The following RNF38 variants were observed in gnomAD, a reference collection of about 807,000 sequenced individuals.
RNF38 encodes ring finger protein 38.
A neutral mutation model predicts 67.2 loss-of-function variants in RNF38; 15 were observed. The observed-to-expected ratio is 0.22, with a 90% confidence interval of 0.15 to 0.34. The LOEUF is 0.34. Among genes scored for constraint, RNF38 ranks in the 10% least tolerant of loss-of-function variants. RNF38 has a pLI of 1.00. For synonymous variants in RNF38, 220 were observed against 218.8 expected (o/e 1.01, Z -0.05); for missense variants, 524 against 639.9 (o/e 0.82, Z 1.95).
At chr9:36,454,813 A>G (rs1839546511) in intron 1 of RNF38, among the ~76,000 whole-genome samples, 1 of 151,940 alleles carries the variant, frequency 6.6e-6, no homozygotes, top group Non-Finnish European at 1.5e-5. Context: ...TGAACTCCTG[A>G]CCTTAAATGA....
intron 10 of RNF38, among the ~76,000 whole-genome samples, chr9:36,344,598 G>A (rs1380579133): frequency 1.3e-5 from 2 of 152,176 alleles, no homozygotes; most frequent in African/African-American, 2.4e-5. Flanking sequence ...TAGCTAGTAC[G>A]ACTAAGACAT....
intron 8 of RNF38, 24 bp downstream of exon 8, chr9:36,352,718 T>C: frequency 6.7e-7 from 1 of 1,487,662 alleles, no homozygotes. Flanking sequence ...AATTCAGAAA[T>C]CATTAAGATA....
At chr9:36,484,472 A>G (rs191733336) in intron 1 of RNF38, among the ~76,000 whole-genome samples, 1 of 152,340 alleles carries the variant, frequency 6.6e-6, no homozygotes, top group East Asian at 1.9e-4. Context: ...AAACATCTGA[A>G]AAATATTTAG....
At chr9:36,477,534 G>A (rs1050341504) in intron 1 of RNF38, among the ~76,000 whole-genome samples, 7 of 151,552 alleles carry the variant, frequency 4.6e-5, no homozygotes, top group African/African-American at 1.7e-4. Context: ...AAAGGTTAGT[G>A]TAGTTGGCCG....
chr9:36,444,358 G>T (rs1319641828), intron 1 of RNF38, among the ~76,000 whole-genome samples: 2 of 152,150 alleles, frequency 1.3e-5, no homozygotes, highest in African/African-American at 4.8e-5. Flanking sequence ...TGGATGCTGG[G>T]CTTAATACCA....
intron 1 of RNF38, among the ~76,000 whole-genome samples, chr9:36,457,179 A>C (rs1394866334): frequency 1.3e-5 from 2 of 152,248 alleles, no homozygotes; most frequent in Non-Finnish European, 2.9e-5. Flanking sequence ...ATTAAAGTAG[A>C]ACTAGCTTTA....
intron 11 of RNF38, among the ~76,000 whole-genome samples, chr9:36,340,792 G>C (rs565167710): frequency 6.6e-6 from 1 of 152,240 alleles, no homozygotes; most frequent in African/African-American, 2.4e-5. Context: ...CTGTTCCCTG[G>C]CTCCTAAATT....
intron 3 of RNF38, among the ~76,000 whole-genome samples, chr9:36,374,075 T>C (rs1023718376): frequency 6.6e-6 from 1 of 152,246 alleles, no homozygotes; most frequent in Non-Finnish European, 1.5e-5. Context: ...GCAATAACTA[T>C]ACTTTCTCAT....
intron 1 of RNF38, among the ~76,000 whole-genome samples, chr9:36,436,087 G>GC (rs1452267377): frequency 4.6e-5 from 7 of 152,254 alleles, no homozygotes; most frequent in African/African-American, 1.7e-4. Context: ...GAGGCTACAG[G>GC]CACTTAATAT....
upstream of RNF38, chr9:36,487,659 G>C (rs1840454962): frequency 4.8e-6 from 4 of 825,206 alleles, no homozygotes; most frequent in South Asian, 2.1e-4. Context: ...CGACGGAGGC[G>C]GCTCCCGAAG....
chr9:36,352,811 C>G lies in RNF38; in HGVS notation c.1109G>C (p.Arg370Pro). 1 of 1,613,906 alleles carries G rather than the reference C, an allele frequency of 6.2e-7. No homozygotes were observed. The highest frequency in any genetic ancestry group is 8.5e-7 in the Non-Finnish European group (1 of 1,179,912). Reference sequence around the variant, plus strand: ...TGGCTGCTGGGATCGGTATCTACTACGTCCTGTAAGCCTCCGAGGCATAAA... The same window carrying G: ...TGGCTGCTGGGATCGGTATCTACTAGGTCCTGTAAGCCTCCGAGGCATAAA... ...PPFMPRRLTG[R>P]SRYRSQQPIP... is the part of the protein sequence containing the mutation. The change falls in exon 8 of 12, where the codon CGT becomes CCT. Residue 370 changes from arginine (R) to proline (P), a missense_variant. This residue lies in a region of RNF38 where 461 missense variants were observed against 517.4 expected (regional missense o/e 0.89). Transcript: ENST00000259605.
In RNF38 at chr9:36,352,744, C is replaced by T. The variant is rs770891516; in HGVS notation, c.1176G>A (p.Val392=). 6.2e-7 allele frequency: 1 copy of T among 1,605,278 alleles called. No homozygotes were observed. Among genetic ancestry groups the T allele is most frequent in the Non-Finnish European group, 8.5e-7 (1 of 1,171,978 alleles). ...CATTAAGATAAGAAAGAACTTACAA[C>T]ACATATGGCAGTAAGCTGGGATGAT... ...PPYHPSLLPY[V]LSMLPVPPAV... The change falls in exon 8 of 12, where the codon GTG becomes GTA. Residue 392 remains valine (V), a splice_region_variant and synonymous_variant. Coordinates refer to ENST00000259605, the MANE Select transcript of RNF38 (RefSeq NM_022781.5).
At chr9:36,480,548 CT>C (rs3072687) in intron 1 of RNF38, among the ~76,000 whole-genome samples, 517 of 100,810 alleles carry the variant, frequency 5.1e-3, no homozygotes, top group Middle Eastern at 7.7e-3. Context: ...TTTTCTTTTT[CT>C]TTTTTTTTTT....
At chr9:36,429,815 T>C (rs1222003922) in intron 1 of RNF38, among the ~76,000 whole-genome samples, 1 of 152,126 alleles carries the variant, frequency 6.6e-6, no homozygotes, top group Non-Finnish European at 1.5e-5. Context: ...AATTAATTAA[T>C]TAATTAACAA....
rs375741239 is a variant in RNF38, at chr9:36,448,886, C to T, written n.242-24203G>A. ...CTGGGCGCCTGCAATCCCAGCTACT[C>T]GGGAGGCTGAGGCAAGGGAATTGCT... On this transcript the variant is annotated intron_variant and non_coding_transcript_variant, in intron 1 of 3. Coordinates refer to the RNF38 transcript ENST00000488058. Among the ~76,000 whole-genome samples, 118 of 152,128 alleles carry T rather than the reference C, an allele frequency of 7.8e-4. 2 individuals carry two copies. The South Asian group carries it at 0.022, about 29-fold the overall frequency.
chr9:36,427,564 T>A (rs1375327245), intron 1 of RNF38, among the ~76,000 whole-genome samples: 1 of 152,146 alleles, frequency 6.6e-6, no homozygotes, highest in African/African-American at 2.4e-5. Flanking sequence ...CCCTTTTGCC[T>A]TGTGAGGACA....
chr9:36,416,788 T>C (rs986551401), intron 2 of RNF38, among the ~76,000 whole-genome samples: 1 of 140,544 alleles, frequency 7.1e-6, no homozygotes, highest in Admixed American at 7.4e-5. Flanking sequence ...AGTCACATTC[T>C]GTGGCCCAGG....
intron 2 of RNF38, among the ~76,000 whole-genome samples, chr9:36,383,156 CA>C (rs1442370715): frequency 6.6e-6 from 1 of 152,176 alleles, no homozygotes; most frequent in Non-Finnish European, 1.5e-5. Flanking sequence ...TTATTCTCCA[CA>C]AGCTGAGGTT....
chr9:36,486,758 C>G (rs1460683410), intron 1 of RNF38, among the ~76,000 whole-genome samples: 1 of 152,136 alleles, frequency 6.6e-6, no homozygotes, highest in Non-Finnish European at 1.5e-5. Context: ...CAGGGCACCA[C>G]CAAGCTCCCA....
Sources: allele counts gnomAD v4.1 joint callset (sites outside exome capture counted in the v4.1 genomes callset), GRCh38; gene constraint gnomAD v4.1.1; regional missense constraint gnomAD v4.1.1; transcripts MANE v1.5; gene names NCBI Gene and HGNC (gene_info 2026-07-23, HGNC 2026-07-21).